ADPRM: variants seen among roughly 807,000 people sequenced by gnomAD.
ADPRM encodes the protein ADP-ribose/CDP-alcohol diphosphatase, manganese dependent.
A neutral mutation model predicts 27.2 loss-of-function variants in ADPRM; 17 were observed. The observed-to-expected ratio is 0.63, with a 90% CI of 0.43 to 0.94. The LOEUF (loss-of-function observed/expected upper bound fraction) is 0.94, where lower values mean the gene tolerates loss of function less well. Among genes scored for constraint, ADPRM ranks in the 40% least tolerant of loss-of-function variants. The pLI, the probability that ADPRM is intolerant of heterozygous loss-of-function variation, is 0.00. For missense variants in ADPRM, 337 were observed against 412.8 expected, an observed-to-expected ratio of 0.82 and a Z score of 1.59; for synonymous variants, 135 against 145.3, an observed-to-expected ratio of 0.93 and a Z score of 0.51.
In ADPRM at chr17:10,706,566, A is replaced by G; in HGVS notation, c.718+12A>G. On this transcript the variant is annotated intron_variant, in intron 3 of 3. Coordinates refer to ENST00000379774, the MANE Select transcript of ADPRM (RefSeq NM_020233.5). ...GGTGGTGATTGTGAGTAAGTATTTA[A>G]TTTATCTGATTACACTAACATTTTA... is the stretch of plus-strand genomic sequence containing the variant. The G allele has an allele frequency of 2.6e-6, 4 of 1,523,308 alleles. No homozygotes were observed. The highest frequency in any genetic ancestry group is 3.5e-6 in the Non-Finnish European group (4 of 1,127,582). The allele number at this position is 1,523,308 out of a possible 1,614,324, so 94.4% of individuals were successfully genotyped here. A position where few individuals can be genotyped will look rare whatever the true frequency, so the allele number is the denominator to read the frequency against.
chr17:10,700,075 C>T (rs1328053437), intron 1 of ADPRM, among the ~76,000 whole-genome samples: 5 of 152,192 alleles, frequency 3.3e-5, no homozygotes, highest in Non-Finnish European at 5.9e-5. Flanking sequence ...ACTTAACTTT[C>T]CTTTTGGTAT....
At chr17:10,707,000 C>A (rs1336735084) in intron 3 of ADPRM, among the ~76,000 whole-genome samples, 1 of 152,042 alleles carries the variant, frequency 6.6e-6, no homozygotes, top group East Asian at 1.9e-4. Flanking sequence ...GACATTAATA[C>A]AAAAATAAAA....
intron 1 of ADPRM, chr17:10,698,084 TTGAG>T (rs2074747747): frequency 6.5e-6 from 1 of 154,648 alleles, no homozygotes; most frequent in African/African-American, 2.4e-5. Context: ...TTAGGATAAT[TTGAG>T]TGGTTAGGGC....
In ADPRM at chr17:10,702,504, A is replaced by G. The variant is rs962421709; in HGVS notation, c.-17-2406A>G. On this transcript the variant is annotated intron_variant, in intron 1 of 3. Coordinates refer to ENST00000379774, the MANE Select transcript of ADPRM (RefSeq NM_020233.5). This position sits in a 1 kb window ranked among gnomAD's most constrained non-coding sequence, Gnocchi z 4.2. ...GACAGGTGAATTTAGGTATTCAACT[A>G]ATGTTTTCAGAAATCTCCATCTTTC... Among the ~76,000 whole-genome samples, 6 of 152,208 alleles carry G rather than the reference A, an allele frequency of 3.9e-5. No homozygotes were observed. Among genetic ancestry groups the G allele is most frequent in the African/African-American group, 1.4e-4 (6 of 41,466 alleles).
chr17:10,701,539 C>G (rs936252251), intron 1 of ADPRM, among the ~76,000 whole-genome samples: 1 of 152,158 alleles, frequency 6.6e-6, no homozygotes, highest in Non-Finnish European at 1.5e-5. Flanking sequence ...CCATGTTAGC[C>G]AGGATGGTCT....
chr17:10,706,299 G>A (rs867081965), intron 2 of ADPRM, 139 bp from the exon 3 acceptor site: 1 of 592,408 alleles, frequency 1.7e-6, no homozygotes. Flanking sequence ...CTAAATGCTT[G>A]TGATTTCCTA....
intron 3 of ADPRM, among the ~76,000 whole-genome samples, chr17:10,709,164 T>C (rs1033051130): frequency 6.6e-6 from 1 of 152,192 alleles, no homozygotes; most frequent in East Asian, 1.9e-4. Context: ...GTTGGAAGGA[T>C]AGAATTGCCA....
intron 1 of ADPRM, among the ~76,000 whole-genome samples, chr17:10,703,367 TA>T (rs778374163): frequency 2.6e-5 from 4 of 151,840 alleles, no homozygotes; most frequent in Non-Finnish European, 5.9e-5. Flanking sequence ...ATGGGCAAAT[TA>T]AAAAAAAGTA....
chr17:10,705,066 A>G lies in ADPRM; in HGVS notation c.140A>G (p.His47Arg), dbSNP rs768498506. Residue 47 changes from histidine (H) to arginine (R), a missense_variant, in exon 2 of 4, where the codon CAT becomes CGT. His to Arg is a conservative substitution (Grantham distance 29). Coordinates refer to ENST00000379774, the MANE Select transcript of ADPRM (RefSeq NM_020233.5). This position sits in a 1 kb window ranked among gnomAD's most constrained non-coding sequence, Gnocchi z 5.4. ...GGAACCAGGCGGCGATACTACAGAC[A>G]TAGTCTTCTTCACTTACAGGGTGCC... ...FQGTRRRYYR[H>R]SLLHLQGAIE... 2 of 1,614,054 alleles carry G rather than the reference A, an allele frequency of 1.2e-6. No individual in the cohort carries two copies. Among genetic ancestry groups the G allele is most frequent in the Admixed American group, 1.7e-5 (1 of 59,996 alleles).
At position 10,706,540 on chromosome 17, in the gene ADPRM, AGGT is replaced by A. The variant is rs763884892; in HGVS notation, c.709_711del (p.Val237del). Reference sequence around the variant, plus strand: ...ACATTCTCTGACACAAACCAAGAAAAGGTGGTGATTGTGAGTAAGTATTTAATT... The same window carrying A: ...ACATTCTCTGACACAAACCAAGAAAAGGTGATTGTGAGTAAGTATTTAATT... On this transcript the variant is annotated inframe_deletion, in exon 3 of 4. Coordinates refer to ENST00000379774, the MANE Select transcript of ADPRM (RefSeq NM_020233.5). 7 of 1,575,712 alleles carry A rather than the reference AGGT, an allele frequency of 4.4e-6. No homozygotes were observed. The highest frequency in any genetic ancestry group is 6.0e-6 in the Non-Finnish European group (7 of 1,165,564).
rs1288097630 is a variant in ADPRM, at chr17:10,704,920, G to A, written c.-7G>A. On this transcript the variant is annotated 5_prime_UTR_variant, in exon 2 of 4. Coordinates refer to ENST00000379774, the MANE Select transcript of ADPRM (RefSeq NM_020233.5). ...TTTTACTTTATTTAGAAACCTGTTT[G>A]GAGGTTATGGATGATAAACCCAATC... The A allele has an allele frequency of 1.3e-6, 2 of 1,561,162 alleles. No homozygotes were observed. The highest frequency in any genetic ancestry group is 1.4e-5 in the African/African-American group (1 of 72,342).
At position 10,697,658 on chromosome 17, in the gene ADPRM, C is replaced by T; in HGVS notation, c.-27C>T. The T allele has an allele frequency of 3.1e-6, 3 of 972,392 alleles. No individual in the cohort carries two copies. Among genetic ancestry groups the T allele is most frequent in the Non-Finnish European group, 4.7e-6 (3 of 633,652 alleles). The allele number at this position is 972,392 out of a possible 1,614,324, so 60.2% of individuals were successfully genotyped here. Reference sequence around the variant, plus strand: ...AGTCAGAGGCCTTTCAGCCCAGGGGCCGGCGCACGGTAGGTAGTTCCCTGC... The same window carrying T: ...AGTCAGAGGCCTTTCAGCCCAGGGGTCGGCGCACGGTAGGTAGTTCCCTGC... On this transcript the variant is annotated 5_prime_UTR_variant, in exon 1 of 4. Coordinates refer to ENST00000379774, the MANE Select transcript of ADPRM (RefSeq NM_020233.5).
In ADPRM at chr17:10,705,708, A is replaced by C; in HGVS notation, c.601+181A>C. ...AGTTGATTCAAGATTGATTTAACAG[A>C]TATTTTAAATGCCTATTTTAGGCCA... is the stretch of plus-strand genomic sequence containing the variant. On this transcript the variant is annotated intron_variant, in intron 2 of 3. Transcript: ENST00000379774. This position sits in a 1 kb window ranked among gnomAD's most constrained non-coding sequence, Gnocchi z 5.4. 9.9e-7 allele frequency: 1 copy of C among 1,014,708 alleles called. No homozygotes were observed. Among genetic ancestry groups the C allele is most frequent in the Non-Finnish European group, 1.4e-6 (1 of 722,060 alleles). 62.9% of individuals were successfully genotyped at this position (1,014,708 alleles called of 1,614,324 possible).
intron 1 of ADPRM, among the ~76,000 whole-genome samples, chr17:10,701,609 G>A (rs1441318779): frequency 3.3e-5 from 5 of 151,894 alleles, no homozygotes; most frequent in African/African-American, 7.3e-5. Flanking sequence ...GATTACAGGC[G>A]TGAGCCACCA....
Position 10,708,290 on chromosome 17 carries a change from G to A in ADPRM, c.718+1736G>A, listed in dbSNP as rs111977554. Among the ~76,000 whole-genome samples, 2,202 of 151,750 alleles carry A rather than the reference G, an allele frequency of 0.015. 86 individuals carry two copies. The East Asian group carries it at 0.15, about 10-fold the overall frequency. ...CTAAAAATACAAAAATTAGCCGGGCGTGGTGGCAGGCGCCTGTAATCCCAG... is the reference window on the plus strand; with the variant it reads ...CTAAAAATACAAAAATTAGCCGGGCATGGTGGCAGGCGCCTGTAATCCCAG... On this transcript the variant is annotated intron_variant, in intron 3 of 3. Transcript: ENST00000379774.
chr17:10,699,518 C>CTTTTTTTTTTTTTTTTTTT (rs781412834), intron 1 of ADPRM, among the ~76,000 whole-genome samples: 1 of 113,340 alleles, frequency 8.8e-6, no homozygotes, highest in African/African-American at 3.4e-5. Context: ...TCTTTTCTTT[C>CTTTTTTTTTTTTTTTTTTT]TTTTTTTTTT....
chr17:10,704,486 CAAAAAA>C (rs201571510), intron 1 of ADPRM, among the ~76,000 whole-genome samples: 97 of 76,748 alleles, frequency 1.3e-3, no homozygotes, highest in African/African-American at 2.1e-3. Context: ...CACAGCTTTC[CAAAAAA>C]AAAAAAAAAA....
In ADPRM at chr17:10,705,806, T is replaced by C. The variant is rs1029005175; in HGVS notation, c.601+279T>C. Reference sequence around the variant, plus strand: ...AATATTACTTTTTTGATGGATGGAATGGAGGGAACAAACACAGTACGTGGG... The same window carrying C: ...AATATTACTTTTTTGATGGATGGAACGGAGGGAACAAACACAGTACGTGGG... On this transcript the variant is annotated intron_variant, in intron 2 of 3. Transcript: ENST00000379774. The surrounding 1 kb of genome is among the most constrained non-coding windows in gnomAD (Gnocchi z 5.4). 39 of 435,426 alleles carry C rather than the reference T, an allele frequency of 9.0e-5. No homozygotes were observed. The highest frequency in any genetic ancestry group is 7.7e-4 in the African/African-American group (39 of 50,464). 27.0% of individuals were successfully genotyped at this position (435,426 alleles called of 1,614,324 possible). A position where few individuals can be genotyped will look rare whatever the true frequency, so the allele number is the denominator to read the frequency against.
At chr17:10,697,886 G>T (rs1597512337) in intron 1 of ADPRM, 2 of 295,450 alleles carry the variant, frequency 6.8e-6, no homozygotes, top group South Asian at 3.7e-5. Context: ...CACCTCGGAA[G>T]AGAGAACACA....
Sources: allele counts gnomAD v4.1 joint callset (sites outside exome capture counted in the v4.1 genomes callset), GRCh38; gene constraint gnomAD v4.1.1; non-coding constraint Gnocchi (gnomAD v3.1); transcripts MANE v1.5; gene names NCBI Gene and HGNC (gene_info 2026-07-23, HGNC 2026-07-21).